The following KDELR3 variants were observed in gnomAD, a reference collection of about 807,000 sequenced individuals.
KDELR3 encodes KDEL endoplasmic reticulum protein retention receptor 3.
A neutral mutation model predicts 22.7 loss-of-function variants in KDELR3; 26 were observed. The ratio of observed to expected loss-of-function variants is 1.15; its 90% confidence interval spans 0.84 to 1.59. The LOEUF is 1.59. Ranked by LOEUF, KDELR3 falls within the 40% of genes most tolerant of loss-of-function variation. The pLI, the probability that KDELR3 is intolerant of heterozygous loss-of-function variation, is 0.00. For synonymous variants in KDELR3, 120 were observed against 98.2 expected (o/e 1.22, Z -1.31); for missense variants, 289 against 251.1 (o/e 1.15, Z -1.02).
At chr22:38,472,490 A>G (rs2089531495) in intron 1 of KDELR3, among the ~76,000 whole-genome samples, 1 of 151,976 alleles carries the variant, frequency 6.6e-6, no homozygotes, top group Non-Finnish European at 1.5e-5. Context: ...AAATAAATAA[A>G]TAAATAAAAA....
At chr22:38,480,228 CT>C (rs1256690532) in intron 3 of KDELR3, among the ~76,000 whole-genome samples, 1 of 152,154 alleles carries the variant, frequency 6.6e-6, no homozygotes, top group African/African-American at 2.4e-5. Flanking sequence ...ACTGCAACCT[CT>C]GCCTCCTGGG....
At position 38,482,710 on chromosome 22, in the gene KDELR3, C is replaced by G. The variant is rs1459371256; in HGVS notation, c.*174C>G. On this transcript the variant is annotated 3_prime_UTR_variant, in exon 5 of 5. Coordinates refer to ENST00000216014, the MANE Select transcript of KDELR3 (RefSeq NM_006855.4). ...CCAGAAGACCTTCTCATCAATAGAT[C>G]GCCCTTAAAGACCCATTGTAAGGTC... 3.2e-6 allele frequency: 2 copies of G among 621,394 alleles called. No homozygotes were observed. The highest frequency in any genetic ancestry group is 1.8e-5 in the African/African-American group (1 of 54,310). 38.5% of individuals were successfully genotyped at this position (621,394 alleles called of 1,614,324 possible). A position where few individuals can be genotyped will look rare whatever the true frequency, so the allele number is the denominator to read the frequency against.
chr22:38,476,445 C>A (rs926580777), intron 2 of KDELR3, among the ~76,000 whole-genome samples: 1 of 152,074 alleles, frequency 6.6e-6, no homozygotes, highest in East Asian at 1.9e-4. Context: ...GTCTCGATCT[C>A]CTGACCTTGT....
intron 1 of KDELR3, among the ~76,000 whole-genome samples, chr22:38,471,197 C>G (rs1316904554): frequency 1.3e-5 from 2 of 152,042 alleles, no homozygotes; most frequent in African/African-American, 4.8e-5. Flanking sequence ...TCCCAAAGTG[C>G]TAAGGAAAAT....
rs1353275166 is a variant in KDELR3, at chr22:38,477,852, A to G, written c.193-1741A>G. Among the ~76,000 whole-genome samples, 6 of 152,338 alleles carry G rather than the reference A, an allele frequency of 3.9e-5. No individual in the cohort carries two copies. In the East Asian group the frequency reaches 1.2e-3, roughly 29 times the overall value. On this transcript the variant is annotated intron_variant, in intron 2 of 4. Transcript: ENST00000216014. ...CTTGGGCATTCCTGGCAGAGACAGC[A>G]GACTCAGCCCTTGCCATAGCTGAAT...
chr22:38,472,148 C>T (rs1337875705), intron 1 of KDELR3, among the ~76,000 whole-genome samples: 1 of 151,976 alleles, frequency 6.6e-6, no homozygotes, highest in Non-Finnish European at 1.5e-5. Flanking sequence ...CGGGTTAAAC[C>T]AAACCCTATA....
intron 4 of KDELR3, among the ~76,000 whole-genome samples, chr22:38,481,849 C>T (rs2089604908): frequency 6.6e-6 from 1 of 152,182 alleles, no homozygotes; most frequent in South Asian, 2.1e-4. Flanking sequence ...CAGGGGTGTC[C>T]AACCTTTTGG....
At chr22:38,476,048 G>A (rs905369169) in intron 2 of KDELR3, among the ~76,000 whole-genome samples, 2 of 152,066 alleles carry the variant, frequency 1.3e-5, no homozygotes, top group Non-Finnish European at 2.9e-5. Context: ...TCCCACCTCA[G>A]ACTCCTGAGT....
In KDELR3 at chr22:38,479,628, C is replaced by A; in HGVS notation, c.228C>A (p.Tyr76Ter). Residue 76 changes from tyrosine to a stop codon, truncating the protein, a stop_gained, in exon 3 of 5, where the codon TAC becomes TAA. Transcript: ENST00000216014. LOFTEE classifies it high-confidence loss of function. ...VFLLCAYVTV[Y>*]MIYGKFRKTF... ...TCCTCTGTGCCTATGTTACAGTGTA[C>A]ATGATATATGGGAAATTCCGTAAAA... 6.2e-7 allele frequency: 1 copy of A among 1,613,986 alleles called. No homozygotes were observed.
chr22:38,482,674 G>C lies in KDELR3; in HGVS notation c.*138G>C. The C allele has an allele frequency of 1.4e-6, 1 of 733,372 alleles. No individual in the cohort carries two copies. The highest frequency in any genetic ancestry group is 2.3e-6 in the Non-Finnish European group (1 of 430,406). The allele number at this position is 733,372 out of a possible 1,614,324, so 45.4% of individuals were successfully genotyped here. A position where few individuals can be genotyped will look rare whatever the true frequency, so the allele number is the denominator to read the frequency against. On this transcript the variant is annotated 3_prime_UTR_variant, in exon 5 of 5. Transcript: ENST00000216014. ...TTTAGTGTGGATTTCAGCAAAACCT[G>C]ATCATCCCACCCAGAAGACCTTCTC...
chr22:38,482,975 C>A lies in KDELR3; in HGVS notation c.*439C>A, dbSNP rs1184968537. 6.2e-6 allele frequency: 1 copy of A among 160,522 alleles called. No individual in the cohort carries two copies. The highest frequency in any genetic ancestry group is 1.4e-5 in the Non-Finnish European group (1 of 73,870). 9.9% of individuals were successfully genotyped at this position (160,522 alleles called of 1,614,324 possible). A position where few individuals can be genotyped will look rare whatever the true frequency, so the allele number is the denominator to read the frequency against. The stretch of plus-strand genomic sequence containing the variant: ...GAATTTCCACTTTCCAGGTAGATGA[C>A]CAAATTTAGGTGGTCAAGATATAAA... On this transcript the variant is annotated 3_prime_UTR_variant, in exon 5 of 5. Coordinates refer to ENST00000216014, the MANE Select transcript of KDELR3 (RefSeq NM_006855.4).
At chr22:38,479,271 C>A (rs573921962) in intron 2 of KDELR3, among the ~76,000 whole-genome samples, 1 of 152,156 alleles carries the variant, frequency 6.6e-6, no homozygotes, top group South Asian at 2.1e-4. Context: ...GTTTCAAGAG[C>A]CCTGGAATGC....
chr22:38,475,064 A>C (rs2089548977), intron 2 of KDELR3, among the ~76,000 whole-genome samples: 1 of 121,298 alleles, frequency 8.2e-6, no homozygotes, highest in Non-Finnish European at 1.6e-5. Flanking sequence ...TGGGTGACAG[A>C]GTGAGACTCT....
At chr22:38,481,676 G>GT (rs1439398198) in intron 4 of KDELR3, 2 of 1,389,072 alleles carry the variant, frequency 1.4e-6, no homozygotes, top group East Asian at 5.1e-5. Flanking sequence ...CAAGACAGCT[G>GT]TGAGATGACA....
At chr22:38,469,945 G>C (rs1171709851) in intron 1 of KDELR3, among the ~76,000 whole-genome samples, 1 of 148,206 alleles carries the variant, frequency 6.7e-6, no homozygotes, top group Non-Finnish European at 1.5e-5. Flanking sequence ...TCAGCCTCCT[G>C]AGTAGCTGGG....
chr22:38,477,765 C>T (rs1433604544), intron 2 of KDELR3, among the ~76,000 whole-genome samples: 1 of 152,206 alleles, frequency 6.6e-6, no homozygotes, highest in East Asian at 1.9e-4. Flanking sequence ...AAATCACCGT[C>T]TACTTAAGTT....
At chr22:38,468,478 G>C (rs1225486695) in intron 1 of KDELR3, among the ~76,000 whole-genome samples, 154 bp downstream of exon 1, 1 of 152,166 alleles carries the variant, frequency 6.6e-6, no homozygotes, top group Non-Finnish European at 1.5e-5. Flanking sequence ...CAAAAACAAT[G>C]TAAAGTTGTA....
chr22:38,468,360 T>A, intron 1 of KDELR3, 36 bp downstream of exon 1: 1 of 1,595,936 alleles, frequency 6.3e-7, no homozygotes. Context: ...CGGGACCCCC[T>A]CTCTGGCCAG....
At chr22:38,473,221 G>A (rs2089535730) in intron 1 of KDELR3, among the ~76,000 whole-genome samples, 2 of 152,240 alleles carry the variant, frequency 1.3e-5, no homozygotes, top group South Asian at 4.1e-4. Flanking sequence ...CCAGGAGTTT[G>A]AGACCAGGCT....
Sources: allele counts gnomAD v4.1 joint callset (sites outside exome capture counted in the v4.1 genomes callset), GRCh38; gene constraint gnomAD v4.1.1; transcripts MANE v1.5; gene names NCBI Gene and HGNC (gene_info 2026-07-23, HGNC 2026-07-21).